Variants in ESCO2 observed in about 807,000 individuals in gnomAD.
ESCO2 encodes the protein establishment of sister chromatid cohesion N-acetyltransferase 2, also known as N-acetyltransferase ESCO2.
Under a neutral mutation model 61.7 loss-of-function variants are expected in ESCO2, and 51 were observed. That is an observed-to-expected ratio of 0.83 (90% CI 0.66 to 1.04). The LOEUF (loss-of-function observed/expected upper bound fraction) is 1.04, where lower values mean the gene tolerates loss of function less well. Ranked by LOEUF, ESCO2 falls within the 50% of genes least tolerant of loss-of-function variation. The probability of loss-of-function intolerance (pLI) is 0.00; values close to 1 mark genes in which losing one functional copy is unlikely to be tolerated. For missense variants in ESCO2, 692 were observed against 686.2 expected, an observed-to-expected ratio of 1.01 and a Z score of -0.09; for synonymous variants, 230 against 238.2, an observed-to-expected ratio of 0.97 and a Z score of 0.32.
chr8:27,788,755 A>T, intron 6 of ESCO2, 92 bp from the exon 7 acceptor site: 1 of 1,511,874 alleles, frequency 6.6e-7, no homozygotes, highest in Non-Finnish European at 9.1e-7. Context: ...AAAAAAAATT[A>T]GGTGAAATTT....
chr8:27,772,146 C>A, upstream of ESCO2: 1 of 353,232 alleles, frequency 2.8e-6, no homozygotes, highest in East Asian at 5.6e-5. Context: ...AGGGTTCAGC[C>A]AGAACAAAGG....
At chr8:27,799,117 A>T (rs1338107054) in intron 9 of ESCO2, among the ~76,000 whole-genome samples, 2 of 141,286 alleles carry the variant, frequency 1.4e-5, no homozygotes, top group Admixed American at 7.5e-5. Flanking sequence ...TCAACTTCTT[A>T]TGAATCTATT....
In ESCO2 at chr8:27,787,991, C is replaced by T; in HGVS notation, c.1120C>T (p.Gln374Ter). 6.2e-7 allele frequency: 1 copy of T among 1,609,894 alleles called. No homozygotes were observed. Among genetic ancestry groups the T allele is most frequent in the Non-Finnish European group, 8.5e-7 (1 of 1,176,572 alleles). Residue 374 changes from glutamine (Q) to a stop codon, truncating the protein, a stop_gained, in exon 6 of 11, where the codon CAG becomes TAG. Coordinates refer to ENST00000305188, the MANE Select transcript of ESCO2 (RefSeq NM_001017420.3). LOFTEE classifies it high-confidence loss of function. ...TRDTSKKTKD[Q>*]LIIDAGQKHF... is the part of the protein sequence containing the mutation. The stretch of plus-strand genomic sequence containing the variant: ...AGATACAAGTAAAAAAACAAAAGAC[C>T]AGCTCATCATCGTGAGTAAATTCCA...
chr8:27,779,954 C>G (rs753497119), intron 3 of ESCO2: 3 of 459,658 alleles, frequency 6.5e-6, no homozygotes. Flanking sequence ...CATGAGCCAC[C>G]GGGCCCTGCT....
At chr8:27,772,144 G>A (rs1804643577), upstream of ESCO2, 1 of 350,012 alleles carries the variant, frequency 2.9e-6, no homozygotes, top group East Asian at 5.7e-5. Context: ...CAAGGGTTCA[G>A]CCAGAACAAA....
Position 27,776,513 on chromosome 8 carries a change from C to G in ESCO2, c.205C>G (p.Pro69Ala). 2 of 1,613,956 alleles carry G rather than the reference C, an allele frequency of 1.2e-6. No homozygotes were observed. The highest frequency in any genetic ancestry group is 2.2e-5 in the East Asian group (1 of 44,870). Residue 69 changes from proline to alanine, a missense_variant, in exon 3 of 11, where the codon CCA becomes GCA. Transcript: ENST00000305188. ...ALKTTEINRLPSANQGSPFKS... is the reference protein window; with the variant it reads ...ALKTTEINRLASANQGSPFKS... Reference sequence around the variant, plus strand: ...CAAAACAACTGAAATAAATAGACTGCCATCAGCAAATCAAGGCTCACCATT... The same window carrying G: ...CAAAACAACTGAAATAAATAGACTGGCATCAGCAAATCAAGGCTCACCATT...
At chr8:27,796,074 C>T (rs1805288955) in intron 9 of ESCO2, among the ~76,000 whole-genome samples, 1 of 148,504 alleles carries the variant, frequency 6.7e-6, no homozygotes, top group South Asian at 2.1e-4. Context: ...ATGGGCTTTC[C>T]TATGATGCAA....
At position 27,776,956 on chromosome 8, in the gene ESCO2, ATCT is replaced by A. The variant is rs775246134; in HGVS notation, c.652_654del (p.Ser218del). On this transcript the variant is annotated inframe_deletion, in exon 3 of 11. Coordinates refer to ENST00000305188, the MANE Select transcript of ESCO2 (RefSeq NM_001017420.3). The stretch of plus-strand genomic sequence containing the variant: ...GAGCAGCATTTTTTGTTAGAAAAAA[ATCT>A]TCTCTTAGAAAATCGTCCCTGGAAA... 2.3e-5 allele frequency: 37 copies of A among 1,613,240 alleles called. No homozygotes were observed. The South Asian group carries it at 3.1e-4, about 13-fold the overall frequency.
downstream of ESCO2, chr8:27,808,216 C>T (rs181219981): frequency 8.0e-7 from 1 of 1,243,534 alleles, no homozygotes; most frequent in Non-Finnish European, 1.0e-6. Context: ...TAAATAGGTA[C>T]CAGGAGACAT....
Position 27,804,540 on chromosome 8 carries a change from C to G in ESCO2, c.*1102C>G. The G allele has an allele frequency of 3.0e-6, 3 of 985,400 alleles. No homozygotes were observed. Among genetic ancestry groups the G allele is most frequent in the Non-Finnish European group, 3.6e-6 (3 of 829,914 alleles). 61.0% of individuals were successfully genotyped at this position (985,400 alleles called of 1,614,324 possible). A position where few individuals can be genotyped will look rare whatever the true frequency, so the allele number is the denominator to read the frequency against. On this transcript the variant is annotated 3_prime_UTR_variant, in exon 11 of 11. Coordinates refer to ENST00000305188, the MANE Select transcript of ESCO2 (RefSeq NM_001017420.3). ...TACACTTAAATGTTCACACATTTTT[C>G]TAGTGTAATTCTTGGATACTTTAAA...
At chr8:27,810,951 T>C (rs776411663), downstream of ESCO2, 2 of 1,502,086 alleles carry the variant, frequency 1.3e-6, no homozygotes, top group East Asian at 2.3e-5. Context: ...AGAAATTGTA[T>C]TCATACCTTC....
chr8:27,781,233 A>G (rs1014015142), intron 4 of ESCO2, among the ~76,000 whole-genome samples: 1 of 151,478 alleles, frequency 6.6e-6, no homozygotes, highest in African/African-American at 2.5e-5. Flanking sequence ...TAGATGAGGA[A>G]ATGGACTTGG....
rs1034305670 is a variant in ESCO2, at chr8:27,804,015, A to G, written c.*577A>G. The G allele has an allele frequency of 1.9e-5, 19 of 986,708 alleles. No homozygotes were observed. The East Asian group carries it at 1.7e-3, about 88-fold the overall frequency. The allele number at this position is 986,708 out of a possible 1,614,324, so 61.1% of individuals were successfully genotyped here. ...AACGCTGGGATTACAGTCATGAGCC[A>G]CCGTGCCCAGCCTAATTCCTGACTT... On this transcript the variant is annotated 3_prime_UTR_variant, in exon 11 of 11. Transcript: ENST00000305188.
downstream of ESCO2, among the ~76,000 whole-genome samples, chr8:27,806,450 TTCGG>T (rs1428932956): frequency 6.6e-6 from 1 of 152,198 alleles, no homozygotes; most frequent in African/African-American, 2.4e-5. Flanking sequence ...ACTTTTTTTC[TTCGG>T]TCTATTATTG....
chr8:27,811,058 A>G, downstream of ESCO2: 1 of 1,612,922 alleles, frequency 6.2e-7, no homozygotes, highest in Non-Finnish European at 8.5e-7. Context: ...CCTTGTCAGT[A>G]ATAACACCAT....
chr8:27,807,357 A>G (rs570127617), downstream of ESCO2, among the ~76,000 whole-genome samples: 1 of 152,284 alleles, frequency 6.6e-6, no homozygotes, highest in African/African-American at 2.4e-5. Context: ...TCTTTCTTCT[A>G]TCTTTGGAGA....
intron 2 of ESCO2, 25 bp downstream of exon 2, chr8:27,775,592 ACT>A: frequency 6.2e-7 from 1 of 1,613,042 alleles, no homozygotes; most frequent in Non-Finnish European, 8.5e-7. Flanking sequence ...GTGAATAGAA[ACT>A]CTTAGAAAAA....
chr8:27,804,356 T>C lies in ESCO2; in HGVS notation c.*918T>C. ...TGATGTCATTAACAAAATGCCTAGT[T>C]GGATTAGATGTTTTCATTTTCTAAT... On this transcript the variant is annotated 3_prime_UTR_variant, in exon 11 of 11. Transcript: ENST00000305188. 1.0e-6 allele frequency: 1 copy of C among 985,442 alleles called. No individual in the cohort carries two copies. Among genetic ancestry groups the C allele is most frequent in the Non-Finnish European group, 1.2e-6 (1 of 829,924 alleles). 61.0% of individuals were successfully genotyped at this position (985,442 alleles called of 1,614,324 possible).
chr8:27,772,229 G>C (rs867200473), upstream of ESCO2, among the ~76,000 whole-genome samples: 1 of 152,242 alleles, frequency 6.6e-6, no homozygotes, highest in Non-Finnish European at 1.5e-5. Context: ...CCCAATCCCA[G>C]GGAGTGACGG....
Sources: allele counts gnomAD v4.1 joint callset (sites outside exome capture counted in the v4.1 genomes callset), GRCh38; gene constraint gnomAD v4.1.1; transcripts MANE v1.5; gene names NCBI Gene and HGNC (gene_info 2026-07-23, HGNC 2026-07-21).